The following ARHGAP26 variants were observed in gnomAD, a reference collection of about 807,000 sequenced individuals.
The protein encoded by ARHGAP26 is Rho GTPase activating protein 26, also known as rho GTPase-activating protein 26.
ARHGAP26 carries 38 observed loss-of-function variants against 104.8 expected under a neutral mutation model. The ratio of observed to expected loss-of-function variants is 0.36; its 90% confidence interval spans 0.28 to 0.48. ARHGAP26 has a LOEUF of 0.48. Ranked by LOEUF, ARHGAP26 falls within the 20% of genes least tolerant of loss-of-function variation. ARHGAP26 has a pLI of 0.99. For missense variants in ARHGAP26, 704 were observed against 947.9 expected, an observed-to-expected ratio of 0.74 and a Z score of 3.38; for synonymous variants, 341 against 340.0, an observed-to-expected ratio of 1.00 and a Z score of -0.03.
Position 143,064,621 on chromosome 5 carries a change from C to T in ARHGAP26, c.1538+6874C>T, listed in dbSNP as rs117419993. Among the ~76,000 whole-genome samples, 338 of 152,028 alleles carry T rather than the reference C, an allele frequency of 2.2e-3. 5 individuals carry two copies. The East Asian group carries it at 0.041, about 19-fold the overall frequency. On this transcript the variant is annotated intron_variant, in intron 17 of 22. Coordinates refer to ENST00000645722, the MANE Select transcript of ARHGAP26 (RefSeq NM_001135608.3). ...TAAAGGGACATTGCACAGAGCACAA[C>T]GACATATTTTAAAGCAAACAGACAA...
chr5:142,976,902 C>T (rs1265892628), intron 11 of ARHGAP26, among the ~76,000 whole-genome samples: 2 of 152,164 alleles, frequency 1.3e-5, no homozygotes, highest in Non-Finnish European at 2.9e-5. Flanking sequence ...CCAGGAGAAG[C>T]TCCTGGTCTG....
intron 14 of ARHGAP26, among the ~76,000 whole-genome samples, chr5:143,047,156 T>C (rs1192820906): frequency 6.6e-6 from 1 of 152,208 alleles, no homozygotes; most frequent in Non-Finnish European, 1.5e-5. Context: ...CTAATTGCAA[T>C]TCTTCATCAT....
chr5:143,221,814 G>C (rs950946538), intron 22 of ARHGAP26, among the ~76,000 whole-genome samples: 1 of 151,732 alleles, frequency 6.6e-6, no homozygotes, highest in African/African-American at 2.4e-5. Context: ...TGAACCACCA[G>C]GCCCAGCCTC....
chr5:142,988,970 G>C (rs1402526326), intron 11 of ARHGAP26, among the ~76,000 whole-genome samples: 2 of 152,202 alleles, frequency 1.3e-5, no homozygotes, highest in Non-Finnish European at 2.9e-5. Flanking sequence ...ATATTCTGTT[G>C]ATTTGGGGTG....
chr5:142,830,502 C>T (rs1275770516), intron 1 of ARHGAP26, among the ~76,000 whole-genome samples: 1 of 152,104 alleles, frequency 6.6e-6, no homozygotes, highest in East Asian at 1.9e-4. Flanking sequence ...GTCTGTTTTT[C>T]CATAATTGTG....
intron 20 of ARHGAP26, among the ~76,000 whole-genome samples, chr5:143,180,481 T>C (rs1327382506): frequency 6.6e-6 from 1 of 152,226 alleles, no homozygotes; most frequent in Admixed American, 6.5e-5. Flanking sequence ...GCAACATATC[T>C]GTGTTGGTGC....
chr5:142,904,143 T>C (rs1452651066), intron 8 of ARHGAP26, among the ~76,000 whole-genome samples: 2 of 152,068 alleles, frequency 1.3e-5, no homozygotes, highest in African/African-American at 4.8e-5. Flanking sequence ...CCTCAACTCA[T>C]TTCATTCCAA....
intron 11 of ARHGAP26, among the ~76,000 whole-genome samples, chr5:142,966,352 C>T (rs536808379): frequency 3.9e-5 from 6 of 152,218 alleles, no homozygotes; most frequent in African/African-American, 1.2e-4. Context: ...TTTAATTTTC[C>T]AGAGTACTTT....
At chr5:143,088,366 C>T (rs1441918015) in intron 17 of ARHGAP26, among the ~76,000 whole-genome samples, 1 of 151,868 alleles carries the variant, frequency 6.6e-6, no homozygotes, top group East Asian at 1.9e-4. Flanking sequence ...CTAGGATATA[C>T]AGGTGAGTAG....
chr5:142,795,736 G>C (rs1452310807), intron 1 of ARHGAP26, among the ~76,000 whole-genome samples: 1 of 152,152 alleles, frequency 6.6e-6, no homozygotes, highest in Non-Finnish European at 1.5e-5. Flanking sequence ...TGTTAGAATT[G>C]TGGAGTTTTG....
At chr5:143,140,589 C>G (rs1271630142) in intron 19 of ARHGAP26, among the ~76,000 whole-genome samples, 1 of 152,144 alleles carries the variant, frequency 6.6e-6, no homozygotes, top group Non-Finnish European at 1.5e-5. Flanking sequence ...TTACAACTGA[C>G]TAAGGAAATA....
chr5:142,791,079 A>G (rs114570127), intron 1 of ARHGAP26, among the ~76,000 whole-genome samples: 22 of 145,130 alleles, frequency 1.5e-4, no homozygotes, highest in Non-Finnish European at 1.0e-4. Flanking sequence ...ATTTTGCTTT[A>G]AAGTTTTTTT....
At chr5:143,064,518 A>G (rs1787201319) in intron 17 of ARHGAP26, among the ~76,000 whole-genome samples, 1 of 151,096 alleles carries the variant, frequency 6.6e-6, no homozygotes, top group Non-Finnish European at 1.5e-5. Flanking sequence ...AGAAGAGTGC[A>G]TTTTTTTTAA....
chr5:143,045,177 A>G (rs1784048928), intron 14 of ARHGAP26, among the ~76,000 whole-genome samples: 1 of 152,092 alleles, frequency 6.6e-6, no homozygotes, highest in Admixed American at 6.5e-5. Flanking sequence ...TTTCCTGGGG[A>G]TAGAGAAAAT....
chr5:142,787,866 C>T (rs67151250), intron 1 of ARHGAP26, among the ~76,000 whole-genome samples: 19,555 of 152,116 alleles, frequency 0.13, 2,652 homozygotes, highest in African/African-American at 0.35. Context: ...ATTAACTACT[C>T]TCTAAGATGG....
intron 17 of ARHGAP26, among the ~76,000 whole-genome samples, chr5:143,120,078 G>A (rs1013995933): frequency 1.1e-4 from 16 of 152,180 alleles, no homozygotes; most frequent in African/African-American, 1.4e-4. Flanking sequence ...CTTGTAACAG[G>A]TGATTTAGGG....
intron 11 of ARHGAP26, among the ~76,000 whole-genome samples, chr5:142,948,690 G>A (rs867857391): frequency 6.6e-5 from 10 of 151,790 alleles, no homozygotes; most frequent in African/African-American, 2.2e-4. Context: ...GAGGTTAGAA[G>A]GGGATATAAA....
At chr5:143,215,331 C>T (rs1159914416) in intron 22 of ARHGAP26, among the ~76,000 whole-genome samples, 2 of 152,210 alleles carry the variant, frequency 1.3e-5, no homozygotes, top group Non-Finnish European at 2.9e-5. Context: ...AACAACCATT[C>T]CCTCTGACAA....
At chr5:142,809,180 T>G (rs1199977158) in intron 1 of ARHGAP26, among the ~76,000 whole-genome samples, 1 of 152,248 alleles carries the variant, frequency 6.6e-6, no homozygotes, top group Non-Finnish European at 1.5e-5. Flanking sequence ...TTCAGTGTCT[T>G]TTTTGAATGG....
Sources: allele counts gnomAD v4.1 joint callset (sites outside exome capture counted in the v4.1 genomes callset), GRCh38; gene constraint gnomAD v4.1.1; transcripts MANE v1.5; gene names NCBI Gene and HGNC (gene_info 2026-07-23, HGNC 2026-07-21).